Variants in CYSLTR2 observed in about 807,000 individuals in gnomAD.
CYSLTR2 encodes G-protein coupled receptor GPCR21.
For missense variants in CYSLTR2, 398 were observed against 411.9 expected, an observed-to-expected ratio of 0.97 and a Z score of 0.29; for synonymous variants, 179 against 160.8, an observed-to-expected ratio of 1.11 and a Z score of -0.86.
intron 4 of CYSLTR2, among the ~76,000 whole-genome samples, chr13:48,702,267 G>T: frequency 8.2e-6 from 1 of 122,178 alleles, no homozygotes; most frequent in Non-Finnish European, 1.7e-5. Flanking sequence ...TCATGGGGTG[G>T]GGGGAGGGGG....
chr13:48,676,338 A>G (rs1953595623), intron 1 of CYSLTR2, among the ~76,000 whole-genome samples: 1 of 152,164 alleles, frequency 6.6e-6, no homozygotes, highest in Non-Finnish European at 1.5e-5. Flanking sequence ...AGGAATTTCC[A>G]TTTGGTCTGA....
intron 4 of CYSLTR2, among the ~76,000 whole-genome samples, chr13:48,704,560 A>T (rs1954434784): frequency 7.3e-6 from 1 of 136,456 alleles, no homozygotes; most frequent in South Asian, 2.3e-4. Context: ...TTATTTCGTG[A>T]CTTTTCCTTT....
At chr13:48,702,404 A>G (rs1352622998) in intron 4 of CYSLTR2, among the ~76,000 whole-genome samples, 1 of 152,214 alleles carries the variant, frequency 6.6e-6, no homozygotes, top group Non-Finnish European at 1.5e-5. Flanking sequence ...AACTTAAAGT[A>G]AAATAATAAT....
chr13:48,671,325 T>C (rs1161140640), intron 1 of CYSLTR2, among the ~76,000 whole-genome samples: 1 of 152,090 alleles, frequency 6.6e-6, no homozygotes, highest in Non-Finnish European at 1.5e-5. Flanking sequence ...TGAATAGGAG[T>C]GGTGAGAGAG....
intron 1 of CYSLTR2, among the ~76,000 whole-genome samples, chr13:48,680,946 G>C (rs1218282355): frequency 2.0e-5 from 3 of 151,786 alleles, no homozygotes; most frequent in Non-Finnish European, 4.4e-5. Context: ...TTTGAATGTG[G>C]GCTGGCCCTG....
intron 1 of CYSLTR2, among the ~76,000 whole-genome samples, chr13:48,654,642 G>A (rs978792599): frequency 2.6e-5 from 4 of 152,150 alleles, no homozygotes; most frequent in African/African-American, 7.2e-5. Context: ...GGCACAATGA[G>A]AATGAAAGAG....
intron 1 of CYSLTR2, among the ~76,000 whole-genome samples, chr13:48,684,919 C>T (rs1002816952): frequency 1.3e-5 from 2 of 152,090 alleles, no homozygotes; most frequent in East Asian, 1.9e-4. Context: ...AGATTGGAGT[C>T]ACATTCTGTA....
rs117515119 is a variant in CYSLTR2 at position 48,680,271 on chromosome 13, A to G, written c.-265-10941A>G. ...TAGTCAGTGTTGACGGAGAGGGGTTAGTGGGGGAGGAGTCTGTGCCAATGT... is the reference window on the plus strand; with the variant it reads ...TAGTCAGTGTTGACGGAGAGGGGTTGGTGGGGGAGGAGTCTGTGCCAATGT... On this transcript the variant is annotated intron_variant, in intron 1 of 4. Coordinates refer to ENST00000682523, the MANE Select transcript of CYSLTR2 (RefSeq NM_001308476.3). Among the ~76,000 whole-genome samples the G allele has an allele frequency of 4.6e-3, 707 of 152,314 alleles. 1 individual carries two copies. The highest frequency in any genetic ancestry group is 8.1e-3 in the Non-Finnish European group (554 of 68,024).
Position 48,707,516 on chromosome 13 carries a change from C to A in CYSLTR2, c.699C>A (p.Val233=). 2 of 1,610,682 alleles carry A rather than the reference C, an allele frequency of 1.2e-6. No homozygotes were observed. Among genetic ancestry groups the A allele is most frequent in the Non-Finnish European group, 1.7e-6 (2 of 1,180,006 alleles). Reference sequence around the variant, plus strand: ...TTCGGGTTCTGTTAAAAGTGGAGGTCCCAGAATCGGGGCTGCGGGTTTCTC... The same window carrying A: ...TTCGGGTTCTGTTAAAAGTGGAGGTACCAGAATCGGGGCTGCGGGTTTCTC... ...LIIRVLLKVE[V]PESGLRVSHR... Residue 233 remains valine (V), a synonymous_variant, in exon 5 of 5, where the codon GTC becomes GTA. Coordinates refer to ENST00000682523, the MANE Select transcript of CYSLTR2 (RefSeq NM_001308476.3).
chr13:48,707,076 T>C lies in CYSLTR2; in HGVS notation c.259T>C (p.Phe87Leu). 6.2e-7 allele frequency: 1 copy of C among 1,614,208 alleles called. No individual in the cohort carries two copies. Among genetic ancestry groups the C allele is most frequent in the Non-Finnish European group, 8.5e-7 (1 of 1,180,032 alleles). The change falls in exon 5 of 5, where the codon TTC (phenylalanine) becomes CTC (leucine). Residue 87 changes from phenylalanine (F) to leucine (L), a missense_variant. Physicochemically the swap from Phe to Leu is conservative, Grantham distance 22. Transcript: ENST00000682523. ...AAATCTGGCCATTTCAGATCTCCTG[T>C]TCATAAGCACGCTTCCCTTCAGGGC... ...MLNLAISDLL[F>L]ISTLPFRADY...
At chr13:48,702,209 A>G (rs1044638889) in intron 4 of CYSLTR2, among the ~76,000 whole-genome samples, 3 of 142,036 alleles carry the variant, frequency 2.1e-5, no homozygotes, top group African/African-American at 7.8e-5. Context: ...GAATTGAACA[A>G]TGAGAACACT....
intron 1 of CYSLTR2, among the ~76,000 whole-genome samples, chr13:48,682,872 C>T (rs1846519941): frequency 6.6e-6 from 1 of 152,078 alleles, no homozygotes; most frequent in South Asian, 2.1e-4. Context: ...GATTCTCTCC[C>T]TTCTCCCACC....
chr13:48,700,438 A>T (rs1204023680), intron 4 of CYSLTR2, among the ~76,000 whole-genome samples: 1 of 152,250 alleles, frequency 6.6e-6, no homozygotes, highest in Non-Finnish European at 1.5e-5. Flanking sequence ...ATCTCCATAG[A>T]TGCAGAAAAG....
chr13:48,692,245 G>A (rs993413972), intron 2 of CYSLTR2, among the ~76,000 whole-genome samples: 5 of 151,910 alleles, frequency 3.3e-5, no homozygotes, highest in Non-Finnish European at 7.4e-5. Flanking sequence ...TTTTATTAAA[G>A]CAAGGAGTCT....
At chr13:48,690,143 A>G (rs1954001854) in intron 1 of CYSLTR2, among the ~76,000 whole-genome samples, 1 of 152,168 alleles carries the variant, frequency 6.6e-6, no homozygotes, top group South Asian at 2.1e-4. Flanking sequence ...TTGCTGAAGG[A>G]GTTTTTGGGC....
intron 1 of CYSLTR2, among the ~76,000 whole-genome samples, chr13:48,675,369 G>C (rs1402656764): frequency 6.6e-6 from 1 of 152,140 alleles, no homozygotes. Flanking sequence ...CAGGCAGTCT[G>C]GCTATAGCAA....
At chr13:48,692,308 A>G (rs143162820) in intron 2 of CYSLTR2, among the ~76,000 whole-genome samples, 178 of 152,140 alleles carry the variant, frequency 1.2e-3, no homozygotes, top group Middle Eastern at 7.1e-3. Context: ...AGAATATTTT[A>G]TTGACAAAAG....
At chr13:48,669,309 G>A (rs1313192309) in intron 1 of CYSLTR2, among the ~76,000 whole-genome samples, 1 of 151,646 alleles carries the variant, frequency 6.6e-6, no homozygotes, top group Non-Finnish European at 1.5e-5. Flanking sequence ...TTAAGTTCAG[G>A]GATACATGTG....
chr13:48,658,849 T>C (rs1953061204), intron 1 of CYSLTR2, among the ~76,000 whole-genome samples: 1 of 152,056 alleles, frequency 6.6e-6, no homozygotes, highest in Admixed American at 6.6e-5. Context: ...ATGAAAAGCC[T>C]GGAGATGAAC....
Sources: gnomAD v4.1 joint callset for allele counts (sites outside exome capture counted in the v4.1 genomes callset) on GRCh38, gnomAD v4.1.1 for gene constraint, MANE v1.5 for transcripts, NCBI Gene and HGNC (gene_info 2026-07-23, HGNC 2026-07-21) for gene names.